The following ACACA variants were observed in gnomAD, a reference collection of about 807,000 sequenced individuals.
ACACA encodes the protein acetyl-CoA carboxylase 1.
ACACA carries 103 observed loss-of-function variants against 296.1 expected under a neutral mutation model. The ratio of observed to expected loss-of-function variants is 0.35; its 90% confidence interval spans 0.30 to 0.41. The LOEUF is 0.41. Among genes scored for constraint, ACACA ranks in the 10% least tolerant of loss-of-function variants. The probability of loss-of-function intolerance (pLI) is 1.00; values close to 1 mark genes in which losing one functional copy is unlikely to be tolerated. For synonymous variants in ACACA, 953 were observed against 1,038.6 expected (o/e 0.92, Z 1.58); for missense variants, 1,554 against 2,989.7 (o/e 0.52, Z 11.20).
chr17:37,147,505 G>A (rs1359579982), intron 45 of ACACA, among the ~76,000 whole-genome samples: 2 of 152,144 alleles, frequency 1.3e-5, no homozygotes, highest in Non-Finnish European at 2.9e-5. Flanking sequence ...ACACACAGAA[G>A]GAGTGAGTCA....
At chr17:37,364,426 T>A (rs1204794589) in intron 1 of ACACA, among the ~76,000 whole-genome samples, 1 of 151,476 alleles carries the variant, frequency 6.6e-6, no homozygotes, top group Non-Finnish European at 1.5e-5. Context: ...AAATCCCATG[T>A]CTAGTAAAAG....
At chr17:37,213,364 A>T (rs976308738) in intron 29 of ACACA, among the ~76,000 whole-genome samples, 1 of 151,886 alleles carries the variant, frequency 6.6e-6, no homozygotes, top group Non-Finnish European at 1.5e-5. Flanking sequence ...AAAAAAAAAA[A>T]AAAAAGTAAA....
intron 39 of ACACA, among the ~76,000 whole-genome samples, chr17:37,183,360 T>C (rs1324560843): frequency 1.3e-5 from 2 of 152,232 alleles, no homozygotes; most frequent in African/African-American, 4.8e-5. Flanking sequence ...GTTAAGCATA[T>C]GCTTACTGTG....
chr17:37,401,841 T>C (rs895002947), intron 1 of ACACA, among the ~76,000 whole-genome samples: 2 of 152,172 alleles, frequency 1.3e-5, no homozygotes, highest in Non-Finnish European at 2.9e-5. Context: ...ATTACAGGCA[T>C]GAGCCACCGC....
chr17:37,372,597 TC>T (rs1403940216), intron 1 of ACACA, among the ~76,000 whole-genome samples: 1 of 152,090 alleles, frequency 6.6e-6, no homozygotes, highest in East Asian at 1.9e-4. Flanking sequence ...CCTCCTGGCT[TC>T]CTGTCAAGTG....
intron 1 of ACACA, among the ~76,000 whole-genome samples, chr17:37,393,391 T>C (rs1039673585): frequency 6.6e-6 from 1 of 152,090 alleles, no homozygotes; most frequent in African/African-American, 2.4e-5. Flanking sequence ...ATTAAAAGCA[T>C]TATATACTTA....
At chr17:37,246,586 C>T (rs183168661) in intron 19 of ACACA, among the ~76,000 whole-genome samples, 53 of 152,202 alleles carry the variant, frequency 3.5e-4, no homozygotes, top group Admixed American at 3.5e-3. Context: ...GCATGTGCCA[C>T]TGTACGCCGC....
At position 37,214,724 on chromosome 17, in the gene ACACA, G is replaced by A. The variant is rs542889318; in HGVS notation, c.3684-4234C>T. On this transcript the variant is annotated intron_variant, in intron 29 of 55. Coordinates refer to ENST00000616317, the MANE Select transcript of ACACA (RefSeq NM_198834.3). ...AGCACTTTGGTAAGCACTTAAACCTGCTGAGAATCTTCTCTTCTGCCAGAT... is the reference window on the plus strand; with the variant it reads ...AGCACTTTGGTAAGCACTTAAACCTACTGAGAATCTTCTCTTCTGCCAGAT... Among the ~76,000 whole-genome samples, 154 of 152,312 alleles carry A rather than the reference G, an allele frequency of 1.0e-3. No homozygotes were observed. The Middle Eastern group carries it at 0.01, about 10-fold the overall frequency.
chr17:37,328,598 G>A (rs947960391), intron 3 of ACACA: 1 of 272,958 alleles, frequency 3.7e-6, no homozygotes, highest in Non-Finnish European at 6.8e-6. Flanking sequence ...TCTCTCAGAA[G>A]CCCCGATCCC....
At chr17:37,169,580 C>T (rs913785172) in intron 41 of ACACA, among the ~76,000 whole-genome samples, 5 of 152,092 alleles carry the variant, frequency 3.3e-5, no homozygotes, top group African/African-American at 7.2e-5. Context: ...AGTCAAATTA[C>T]TTTCTATAGA....
At chr17:37,189,711 T>C (rs1159954028) in intron 38 of ACACA, among the ~76,000 whole-genome samples, 1 of 152,188 alleles carries the variant, frequency 6.6e-6, no homozygotes, top group Non-Finnish European at 1.5e-5. Context: ...AGCTTATTAG[T>C]CCCAGAATGC....
intron 18 of ACACA, among the ~76,000 whole-genome samples, 180 bp from the exon 19 acceptor site, chr17:37,247,156 T>C (rs1333396795): frequency 1.3e-5 from 2 of 152,128 alleles, no homozygotes; most frequent in Non-Finnish European, 1.5e-5. Flanking sequence ...TCAATAAGGA[T>C]CAGATTAAAT....
In ACACA at chr17:37,179,329, A is replaced by T. The variant is rs1387922466; in HGVS notation, c.5010T>A (p.Thr1670=). 1.9e-6 allele frequency: 3 copies of T among 1,614,178 alleles called. No individual in the cohort carries two copies. The highest frequency in any genetic ancestry group is 2.5e-6 in the Non-Finnish European group (3 of 1,180,024). ...GATCATCCAGTACCAGTTCAGTGTA[A>T]GTCAGCATGTCAGAAGGCAGAGGGG... ...PSPPLPSDML[T]YTELVLDDQG... The change falls in exon 41 of 56, where the codon ACT becomes ACA. Residue 1670 remains threonine (T), a synonymous_variant. Coordinates refer to ENST00000616317, the MANE Select transcript of ACACA (RefSeq NM_198834.3).
At chr17:37,152,682 G>C (rs1444937881) in intron 43 of ACACA, among the ~76,000 whole-genome samples, 1 of 152,054 alleles carries the variant, frequency 6.6e-6, no homozygotes, top group Non-Finnish European at 1.5e-5. Context: ...TGGGAGATGG[G>C]GAATGCAACT....
intron 1 of ACACA, among the ~76,000 whole-genome samples, chr17:37,353,511 C>A (rs992950855): frequency 6.6e-6 from 1 of 151,386 alleles, no homozygotes; most frequent in Non-Finnish European, 1.5e-5. Flanking sequence ...TGGTGGTGTG[C>A]GCCTATAATC....
At position 37,097,516 on chromosome 17, in the gene ACACA, G is replaced by T. The variant is rs1287714011; in HGVS notation, c.6720+314C>A. Among the ~76,000 whole-genome samples, 1 of 152,202 alleles carries T rather than the reference G, an allele frequency of 6.6e-6. No homozygotes were observed. Among genetic ancestry groups the T allele is most frequent in the Non-Finnish European group, 1.5e-5 (1 of 68,044 alleles). The stretch of plus-strand genomic sequence containing the variant: ...GCAGATCAATTATTAATTAGCTGCT[G>T]CGGGAGCCTTGACCCTATAGTAACC... On this transcript the variant is annotated intron_variant, in intron 53 of 55. Transcript: ENST00000616317. This position sits in a 1 kb window ranked among gnomAD's most constrained non-coding sequence, Gnocchi z 4.8.
chr17:37,369,843 T>G (rs2049737755), intron 1 of ACACA, among the ~76,000 whole-genome samples: 1 of 151,676 alleles, frequency 6.6e-6, no homozygotes. Context: ...GTAGCTGAGA[T>G]TACAGGTGCG....
At chr17:37,194,711 G>A (rs908142196) in intron 35 of ACACA, among the ~76,000 whole-genome samples, 26 of 152,202 alleles carry the variant, frequency 1.7e-4, no homozygotes, top group African/African-American at 5.5e-4. Context: ...TCTTGAATAC[G>A]TTCCATAAGT....
Position 37,161,975 on chromosome 17 carries a change from T to G in ACACA, c.5155A>C (p.Asn1719His). 2 of 1,614,212 alleles carry G rather than the reference T, an allele frequency of 1.2e-6. No homozygotes were observed. The highest frequency in any genetic ancestry group is 1.7e-6 in the Non-Finnish European group (2 of 1,180,028). ...PEGRDIIVIGNDITYRIGSFG... is the reference protein window; with the variant it reads ...PEGRDIIVIGHDITYRIGSFG... ...GACCCAATTCGGTATGTGATGTCAT[T>G]GCCAATAACAATGATATCTCGGCCT... is the stretch of plus-strand genomic sequence containing the variant. The change falls in exon 42 of 56, where the codon AAT becomes CAT. Residue 1719 changes from asparagine to histidine, a missense_variant. Physicochemically the swap from Asn to His is moderately conservative, Grantham distance 68. Coordinates refer to ENST00000616317, the MANE Select transcript of ACACA (RefSeq NM_198834.3).
Sources: gnomAD v4.1 joint callset for allele counts (sites outside exome capture counted in the v4.1 genomes callset) on GRCh38, gnomAD v4.1.1 for gene constraint, Gnocchi (gnomAD v3.1) non-coding constraint, MANE v1.5 for transcripts, NCBI Gene and HGNC (gene_info 2026-07-23, HGNC 2026-07-21) for gene names.